PCSK5: variants seen among roughly 807,000 people sequenced by gnomAD.
PCSK5 encodes proprotein convertase subtilisin/kexin type 5, also known as prohormone convertase 5.
PCSK5 carries 129 observed loss-of-function variants against 233.2 expected under a neutral mutation model. The ratio of observed to expected loss-of-function variants is 0.55; its 90% CI spans 0.48 to 0.64. The LOEUF (loss-of-function observed/expected upper bound fraction) is 0.64, where lower values mean the gene tolerates loss of function less well. Among genes scored for constraint, PCSK5 ranks in the 30% least tolerant of loss-of-function variants. The pLI, the probability that PCSK5 is intolerant of heterozygous loss-of-function variation, is 0.00. For synonymous variants in PCSK5, 825 were observed against 879.2 expected (o/e 0.94, Z 1.09); for missense variants, 2,076 against 2,430.1 (o/e 0.85, Z 3.06).
At chr9:75,963,580 G>T (rs13302270) in intron 2 of PCSK5, among the ~76,000 whole-genome samples, 2 of 152,096 alleles carry the variant, frequency 1.3e-5, no homozygotes, top group Non-Finnish European at 2.9e-5. Context: ...TTTACTTTTG[G>T]TTAAAAAATA....
intron 20 of PCSK5, among the ~76,000 whole-genome samples, chr9:76,199,399 G>A (rs374276271): frequency 3.3e-5 from 5 of 152,158 alleles, no homozygotes; most frequent in Non-Finnish European, 5.9e-5. Context: ...TGACCAAAAC[G>A]TCATTATATG....
intron 1 of PCSK5, among the ~76,000 whole-genome samples, chr9:75,919,208 A>G (rs1369148671): frequency 6.6e-6 from 1 of 152,178 alleles, no homozygotes; most frequent in East Asian, 1.9e-4. Context: ...TATAAATGGA[A>G]TAATACAATA....
chr9:76,160,217 C>T (rs1822793513), intron 12 of PCSK5, among the ~76,000 whole-genome samples: 1 of 152,172 alleles, frequency 6.6e-6, no homozygotes, highest in East Asian at 1.9e-4. Context: ...ATATAAGTAA[C>T]TGTATTTTGT....
At chr9:76,226,497 T>C (rs1825896570) in intron 20 of PCSK5, among the ~76,000 whole-genome samples, 2 of 152,128 alleles carry the variant, frequency 1.3e-5, no homozygotes, top group Admixed American at 6.5e-5. Flanking sequence ...GATTAAACCC[T>C]GGGCGGGTCC....
chr9:75,913,792 G>T (rs1391297860), intron 1 of PCSK5, among the ~76,000 whole-genome samples: 1 of 151,920 alleles, frequency 6.6e-6, no homozygotes, highest in Non-Finnish European at 1.5e-5. Flanking sequence ...ACAGATTTTG[G>T]CATTCCTTTT....
chr9:76,230,190 C>T (rs928335576), intron 21 of PCSK5, among the ~76,000 whole-genome samples: 2 of 152,040 alleles, frequency 1.3e-5, no homozygotes, highest in African/African-American at 2.4e-5. Context: ...TGGGGTGGGT[C>T]GTGGTGACAT....
chr9:76,324,384 C>T (rs2131466164), intron 32 of PCSK5, among the ~76,000 whole-genome samples: 1 of 152,090 alleles, frequency 6.6e-6, no homozygotes, highest in African/African-American at 2.4e-5. Flanking sequence ...GTGGCTGCCA[C>T]CACACCTAGC....
At chr9:76,246,729 G>A (rs57017231) in intron 24 of PCSK5, among the ~76,000 whole-genome samples, 3,323 of 152,298 alleles carry the variant, frequency 0.022, 101 homozygotes, top group South Asian at 0.12. Context: ...ATACACAATA[G>A]AGCACTCTGC....
chr9:76,358,631 G>A lies in PCSK5; in HGVS notation c.5373G>A (p.Trp1791Ter), dbSNP rs770415407. Residue 1791 changes from tryptophan (W) to a stop codon, truncating the protein, a stop_gained, in exon 38 of 38, where the codon TGG (tryptophan) becomes TGA (stop). Coordinates refer to ENST00000674117, the MANE Select transcript of PCSK5 (RefSeq NM_001372043.1). LOFTEE classifies it high-confidence loss of function. ...VLLLGAAVVV[W>*]KKSRGRVQPA... ...TGCTCGGGGCAGCTGTGGTAGTGTG[G>A]AAGAAATCTCGTGGCCGAGTCCAGC... 2.5e-6 allele frequency: 4 copies of A among 1,612,776 alleles called. No homozygotes were observed. Among genetic ancestry groups the A allele is most frequent in the Non-Finnish European group, 2.5e-6 (3 of 1,179,872 alleles).
chr9:76,124,615 T>G (rs988628859), intron 9 of PCSK5, among the ~76,000 whole-genome samples: 1 of 151,590 alleles, frequency 6.6e-6, no homozygotes, highest in African/African-American at 2.4e-5. Context: ...CATGGTGGTG[T>G]GGGCCTGTAG....
intron 20 of PCSK5, among the ~76,000 whole-genome samples, chr9:76,190,538 A>G (rs1242349044): frequency 6.6e-6 from 1 of 152,144 alleles, no homozygotes; most frequent in Non-Finnish European, 1.5e-5. Context: ...TGTTTTTACA[A>G]AGTTTTAGGA....
At chr9:75,899,561 T>C (rs1280359294) in intron 1 of PCSK5, among the ~76,000 whole-genome samples, 1 of 152,202 alleles carries the variant, frequency 6.6e-6, no homozygotes, top group Non-Finnish European at 1.5e-5. Context: ...CGGTAGTCAC[T>C]GTTACACTCT....
chr9:75,924,719 CT>C (rs1823403472), intron 1 of PCSK5, among the ~76,000 whole-genome samples: 1 of 152,186 alleles, frequency 6.6e-6, no homozygotes. Context: ...TATCCCCTCT[CT>C]GTACAACTCT....
At chr9:75,938,798 T>C (rs996537609) in intron 2 of PCSK5, among the ~76,000 whole-genome samples, 4 of 152,214 alleles carry the variant, frequency 2.6e-5, no homozygotes, top group African/African-American at 4.8e-5. Flanking sequence ...CAAGGTTTCT[T>C]GGGCAGGTCT....
chr9:75,935,026 T>A (rs1232703708), intron 2 of PCSK5, among the ~76,000 whole-genome samples: 1 of 152,208 alleles, frequency 6.6e-6, no homozygotes, highest in Admixed American at 6.5e-5. Flanking sequence ...CCACACTTAG[T>A]TGATCATTCT....
chr9:76,076,855 A>G (rs993566925), intron 7 of PCSK5, among the ~76,000 whole-genome samples: 6 of 152,226 alleles, frequency 3.9e-5, no homozygotes, highest in Admixed American at 6.5e-5. Context: ...GAGCTATAAA[A>G]TTAAGTGCAA....
chr9:75,905,557 G>A (rs1044674394), intron 1 of PCSK5, among the ~76,000 whole-genome samples: 1 of 152,080 alleles, frequency 6.6e-6, no homozygotes, highest in African/African-American at 2.4e-5. Flanking sequence ...GTACAACTTT[G>A]TAAACATACT....
intron 26 of PCSK5, among the ~76,000 whole-genome samples, chr9:76,295,904 T>C (rs1387721513): frequency 6.6e-6 from 1 of 152,200 alleles, no homozygotes; most frequent in South Asian, 2.1e-4. Context: ...AATAGCCCAA[T>C]GCACTTGAGT....
At chr9:76,020,016 TA>T (rs1828112956) in intron 3 of PCSK5, among the ~76,000 whole-genome samples, 1 of 152,246 alleles carries the variant, frequency 6.6e-6, no homozygotes, top group Non-Finnish European at 1.5e-5. Context: ...TGGTTTTCAA[TA>T]GCTTCAAATA....
Sources: gnomAD v4.1 joint callset for allele counts (sites outside exome capture counted in the v4.1 genomes callset) on GRCh38, gnomAD v4.1.1 for gene constraint, MANE v1.5 for transcripts, NCBI Gene and HGNC (gene_info 2026-07-23, HGNC 2026-07-21) for gene names.